The following PUDP variants were observed in gnomAD, a reference collection of about 807,000 sequenced individuals.
The protein encoded by PUDP is pseudouridine 5'-phosphatase.
In PUDP, 8 loss-of-function variants were observed where a neutral mutation model predicts 9.4. The ratio of observed to expected loss-of-function variants is 0.85; its 90% CI spans 0.50 to 1.53. The LOEUF is 1.53. PUDP is among the 40% of genes most tolerant of loss of function. PUDP has a pLI of 0.00. For synonymous variants in PUDP, 99 were observed against 80.7 expected (o/e 1.23, Z -1.22); for missense variants, 188 against 189.7 (o/e 0.99, Z 0.05).
chrX:6,838,272 GA>G (rs1307348241), intron 3 of PUDP, among the ~76,000 whole-genome samples: 1 of 112,685 alleles, frequency 8.9e-6, no homozygotes, highest in East Asian at 2.8e-4. Context: ...TTAAAATCTA[GA>G]CGAGTTAACT....
chrX:6,880,777 A>C (rs776292207), intron 3 of PUDP, among the ~76,000 whole-genome samples: 2 of 112,055 alleles, frequency 1.8e-5, no homozygotes, highest in Non-Finnish European at 3.8e-5. Context: ...TCTTACTGTC[A>C]GAAGACTAGA....
At chrX:6,947,168 T>A (rs372846270) in intron 3 of PUDP, among the ~76,000 whole-genome samples, 8 of 109,802 alleles carry the variant, frequency 7.3e-5, no homozygotes, top group African/African-American at 2.6e-4. Flanking sequence ...GCCCTGCTGA[T>A]TTTTTTGTAT....
At chrX:6,916,617 A>G (rs1352269344) in intron 3 of PUDP, among the ~76,000 whole-genome samples, 2 of 111,658 alleles carry the variant, frequency 1.8e-5, no homozygotes, top group Non-Finnish European at 3.8e-5. Flanking sequence ...GAAGTGCAGC[A>G]GCTATCATGG....
chrX:6,720,159 T>TATGTGTATATATATGTGTGTATATAC (rs1924646027), intron 1 of PUDP, among the ~76,000 whole-genome samples: 4 of 100,641 alleles, frequency 4.0e-5, no homozygotes, highest in African/African-American at 1.5e-4. Flanking sequence ...TGTGTGTATA[T>TATGTGTATATATATGTGTGTATATAC]ATATGTGTAT....
chrX:7,125,041 A>C (rs1489375285), intron 1 of PUDP, among the ~76,000 whole-genome samples: 1 of 110,955 alleles, frequency 9.0e-6, no homozygotes, highest in African/African-American at 3.3e-5. Flanking sequence ...CATAAAAAAA[A>C]CATAAAAATA....
intron 3 of PUDP, among the ~76,000 whole-genome samples, chrX:6,871,884 G>A (rs1296181732): frequency 9.0e-6 from 1 of 111,478 alleles, no homozygotes; most frequent in Non-Finnish European, 1.9e-5. Flanking sequence ...TGAACTGATA[G>A]CTTTTTAAAA....
chrX:7,054,523 G>T (rs1465923165), intron 3 of PUDP, among the ~76,000 whole-genome samples: 1 of 112,454 alleles, frequency 8.9e-6, no homozygotes, highest in Non-Finnish European at 1.9e-5. Flanking sequence ...AAATGATTGA[G>T]GGGAAACCTA....
chrX:6,752,631 C>CAGGA (rs1392210444), intron 3 of PUDP, among the ~76,000 whole-genome samples: 1 of 111,213 alleles, frequency 9.0e-6, no homozygotes, highest in Non-Finnish European at 1.9e-5. Context: ...AGAGTGACGT[C>CAGGA]AGGAAGGCAA....
chrX:6,961,490 TA>T (rs1928707753), intron 3 of PUDP, among the ~76,000 whole-genome samples: 1 of 111,900 alleles, frequency 8.9e-6, no homozygotes, highest in African/African-American at 3.2e-5. Flanking sequence ...TGCAAGAAAC[TA>T]GCATAGTCTC....
chrX:6,728,152 G>A (rs1211301739), intron 3 of PUDP, among the ~76,000 whole-genome samples: 3 of 110,896 alleles, frequency 2.7e-5, no homozygotes, highest in Non-Finnish European at 5.7e-5. Context: ...AGGAAAAGGG[G>A]TTTCCCCTTA....
chrX:6,850,858 C>A (rs1926817044), intron 3 of PUDP, among the ~76,000 whole-genome samples: 1 of 111,690 alleles, frequency 9.0e-6, no homozygotes, highest in African/African-American at 3.2e-5. Flanking sequence ...ACCCAACAAC[C>A]CAATGTAGAC....
intron 3 of PUDP, among the ~76,000 whole-genome samples, chrX:6,927,650 T>C (rs1026790991): frequency 9.0e-6 from 1 of 111,515 alleles, no homozygotes; most frequent in African/African-American, 3.3e-5. Context: ...ATCACCGACA[T>C]GAGGCAGACT....
intron 3 of PUDP, among the ~76,000 whole-genome samples, chrX:6,739,525 G>A (rs1445836758): frequency 9.0e-6 from 1 of 111,260 alleles, no homozygotes; most frequent in South Asian, 3.9e-4. Flanking sequence ...TGTGTGTCGG[G>A]GGTGCTGCTA....
intron 2 of PUDP, among the ~76,000 whole-genome samples, chrX:7,082,187 A>C (rs763204689): frequency 4.9e-4 from 55 of 112,221 alleles, no homozygotes; most frequent in South Asian, 1.5e-3. Context: ...CACAGGACAC[A>C]TCTCCAGGGG....
chrX:6,712,498 A>G (rs1159150031), intron 1 of PUDP, among the ~76,000 whole-genome samples: 1 of 112,164 alleles, frequency 8.9e-6, no homozygotes, highest in African/African-American at 3.2e-5. Context: ...TTTGGAATAT[A>G]CAAATCATGA....
At chrX:7,055,846 A>G (rs1374554486) in intron 3 of PUDP, among the ~76,000 whole-genome samples, 5 of 112,382 alleles carry the variant, frequency 4.4e-5, no homozygotes, top group Non-Finnish European at 9.4e-5. Flanking sequence ...TTAAGGAAGA[A>G]GTATGTTTCT....
chrX:6,822,660 C>A (rs1926361970), intron 3 of PUDP, among the ~76,000 whole-genome samples: 1 of 106,797 alleles, frequency 9.4e-6, no homozygotes, highest in Non-Finnish European at 1.9e-5. Flanking sequence ...CTCCTGACCT[C>A]GTGATCCACC....
At chrX:6,907,182 G>C (rs1166737929) in intron 3 of PUDP, among the ~76,000 whole-genome samples, 6 of 110,835 alleles carry the variant, frequency 5.4e-5, no homozygotes, top group Non-Finnish European at 1.9e-5. Context: ...GTTCTCACAA[G>C]ATCTGATGGT....
chrX:6,773,976 T>G (rs1231627389), intron 3 of PUDP, among the ~76,000 whole-genome samples: 1 of 111,100 alleles, frequency 9.0e-6, no homozygotes, highest in Non-Finnish European at 1.9e-5. Flanking sequence ...CTGTCTCTAC[T>G]AAAAATACAA....
Sources: allele counts gnomAD v4.1 joint callset (sites outside exome capture counted in the v4.1 genomes callset), GRCh38; gene constraint gnomAD v4.1.1; transcripts MANE v1.5; gene names NCBI Gene and HGNC (gene_info 2026-07-23, HGNC 2026-07-21).